The following C9orf85 variants were observed in gnomAD, a reference collection of about 807,000 sequenced individuals.
C9orf85 encodes the protein uncharacterized protein C9orf85.
Under a neutral mutation model 14.9 loss-of-function variants are expected in C9orf85, and 16 were observed. That is an observed-to-expected ratio of 1.08 (90% CI 0.73 to 1.63). The LOEUF (loss-of-function observed/expected upper bound fraction) is 1.63. C9orf85 is among the 40% of genes most tolerant of loss of function. The pLI is 0.00. For missense variants in C9orf85, 172 were observed against 186.1 expected (o/e 0.92, Z 0.44); for synonymous variants, 45 against 56.8 (o/e 0.79, Z 0.93).
At chr9:71,947,134 C>A in intron 2 of C9orf85, 22 bp downstream of exon 2, 1 of 1,464,866 alleles carries the variant, frequency 6.8e-7, no homozygotes. Flanking sequence ...TTCTTCATTA[C>A]CTTACTTGGT....
intron 1 of C9orf85, among the ~76,000 whole-genome samples, chr9:71,920,918 G>A (rs1250839327): frequency 6.6e-6 from 1 of 151,996 alleles, no homozygotes; most frequent in Non-Finnish European, 1.5e-5. Context: ...GGACCTCAAA[G>A]AAACTTAGAA....
intron 2 of C9orf85, among the ~76,000 whole-genome samples, chr9:71,965,779 A>G (rs1822674988): frequency 6.6e-6 from 1 of 152,156 alleles, no homozygotes; most frequent in African/African-American, 2.4e-5. Context: ...ATCAAGAAAC[A>G]TGTAAACAGT....
intron 3 of C9orf85, among the ~76,000 whole-genome samples, chr9:71,980,009 CTTTTTTCT>C (rs1183979252): frequency 1.9e-5 from 2 of 103,772 alleles, no homozygotes; most frequent in Non-Finnish European, 3.5e-5. Context: ...AATTCTTTTT[CTTTTTTCT>C]TTTTTTTTTT....
chr9:71,914,230 A>G (rs1391466402), intron 1 of C9orf85, among the ~76,000 whole-genome samples: 5 of 152,242 alleles, frequency 3.3e-5, no homozygotes, highest in African/African-American at 9.6e-5. Context: ...GTAACTCCCC[A>G]TAAAGCAAGC....
chr9:71,952,561 T>A (rs113670544), intron 2 of C9orf85, among the ~76,000 whole-genome samples: 4,249 of 152,064 alleles, frequency 0.028, 218 homozygotes, highest in African/African-American at 0.097. Context: ...AGAGACGGGG[T>A]TTCACCGTGT....
At chr9:71,948,444 T>C (rs1267072464) in intron 2 of C9orf85, among the ~76,000 whole-genome samples, 1 of 152,198 alleles carries the variant, frequency 6.6e-6, no homozygotes, top group Non-Finnish European at 1.5e-5. Context: ...AGATTTTTTT[T>C]TCTGTACTCC....
Position 71,971,490 on chromosome 9 carries a change from TA to T in C9orf85, c.210-14del. 1 of 1,402,848 alleles carries T rather than the reference TA, an allele frequency of 7.1e-7. No individual in the cohort carries two copies. The highest frequency in any genetic ancestry group is 1.5e-5 in the African/African-American group (1 of 68,686). The allele number at this position is 1,402,848 out of a possible 1,614,324, so 86.9% of individuals were successfully genotyped here. On this transcript the variant is annotated splice_polypyrimidine_tract_variant and intron_variant, in intron 2 of 3. Transcript: ENST00000334731. ...AATAAACATAAATAAGTTAACATTT[TA>T]TTTTTTATTTTAGTGTTAAATGTTT...
chr9:71,912,057 T>C, intron 1 of C9orf85: 1 of 461,626 alleles, frequency 2.2e-6, no homozygotes, highest in Non-Finnish European at 3.9e-6. Context: ...CACACTTAAC[T>C]AATTGCACAG....
intron 1 of C9orf85, among the ~76,000 whole-genome samples, chr9:71,922,002 G>A (rs964846621): frequency 2.6e-5 from 4 of 151,328 alleles, no homozygotes; most frequent in Non-Finnish European, 2.9e-5. Context: ...GTGTAGTGGC[G>A]CAATCTTGGC....
intron 2 of C9orf85, among the ~76,000 whole-genome samples, chr9:71,955,604 T>C (rs1822362612): frequency 1.3e-5 from 2 of 152,228 alleles, no homozygotes; most frequent in Admixed American, 1.3e-4. Context: ...TGAGACTTGG[T>C]TACTGTTACA....
At chr9:71,929,900 C>T (rs1392370891) in intron 1 of C9orf85, among the ~76,000 whole-genome samples, 1 of 78,674 alleles carries the variant, frequency 1.3e-5, no homozygotes, top group East Asian at 5.2e-4. Context: ...GCCTCTGCTG[C>T]TTCTGATTAA....
At chr9:71,929,646 ATAATGTATAATACTC>A (rs1429411799) in intron 1 of C9orf85, among the ~76,000 whole-genome samples, 1 of 152,050 alleles carries the variant, frequency 6.6e-6, no homozygotes. Flanking sequence ...TGACTTTTAA[ATAATGTATAATACTC>A]TAATGTTATT....
chr9:71,957,588 T>G (rs1266689467), intron 2 of C9orf85, among the ~76,000 whole-genome samples: 1 of 152,212 alleles, frequency 6.6e-6, no homozygotes, highest in Admixed American at 6.6e-5. Flanking sequence ...GTGTAGTTTA[T>G]TTGAAAAATC....
chr9:71,911,858 C>G (rs764753087), intron 1 of C9orf85, 22 bp downstream of exon 1: 1 of 1,598,124 alleles, frequency 6.3e-7, no homozygotes, highest in Non-Finnish European at 8.6e-7. Context: ...CCTGTTGCAC[C>G]GTCTTTGACT....
intron 3 of C9orf85, among the ~76,000 whole-genome samples, chr9:71,980,038 G>A (rs1341889726): frequency 7.2e-6 from 1 of 138,256 alleles, no homozygotes; most frequent in Non-Finnish European, 1.5e-5. Flanking sequence ...TTTTGAGATG[G>A]AGTCTCACTC....
chr9:71,926,366 A>G (rs558648710), intron 1 of C9orf85, among the ~76,000 whole-genome samples: 1 of 152,326 alleles, frequency 6.6e-6, no homozygotes, highest in African/African-American at 2.4e-5. Flanking sequence ...TTTTAGTTCA[A>G]TTTAAATAAC....
intron 1 of C9orf85, among the ~76,000 whole-genome samples, chr9:71,926,734 G>A (rs1294581478): frequency 6.6e-6 from 1 of 151,696 alleles, no homozygotes; most frequent in Non-Finnish European, 1.5e-5. Context: ...AATAGGACAA[G>A]GTTAAAGACT....
intron 2 of C9orf85, among the ~76,000 whole-genome samples, chr9:71,950,311 A>C (rs1822211945): frequency 1.3e-5 from 2 of 152,158 alleles, no homozygotes; most frequent in African/African-American, 4.8e-5. Context: ...CTAATCACTT[A>C]TGAATTAGAT....
intron 2 of C9orf85, among the ~76,000 whole-genome samples, chr9:71,948,019 C>T (rs1822143650): frequency 6.6e-6 from 1 of 152,230 alleles, no homozygotes; most frequent in South Asian, 2.1e-4. Context: ...TGACATCCTT[C>T]AGCTCAGCTG....
Sources: gnomAD v4.1 joint callset for allele counts (sites outside exome capture counted in the v4.1 genomes callset) on GRCh38, gnomAD v4.1.1 for gene constraint, MANE v1.5 for transcripts, NCBI Gene and HGNC (gene_info 2026-07-23, HGNC 2026-07-21) for gene names.